MCM6: variants seen among roughly 807,000 people sequenced by gnomAD.
MCM6 encodes the protein DNA replication licensing factor MCM6.
In MCM6, 46 loss-of-function variants were observed where a neutral mutation model predicts 94.3. The ratio of observed to expected loss-of-function variants is 0.49; its 90% CI spans 0.39 to 0.62. The LOEUF (loss-of-function observed/expected upper bound fraction) is 0.62, where lower values mean the gene tolerates loss of function less well. MCM6 is among the 20% of genes least tolerant of loss of function. The pLI, the probability that MCM6 is intolerant of heterozygous loss-of-function variation, is 0.00. For missense variants in MCM6, 865 were observed against 1,017.9 expected, an observed-to-expected ratio of 0.85 and a Z score of 2.04; for synonymous variants, 335 against 351.9, an observed-to-expected ratio of 0.95 and a Z score of 0.54.
intron 8 of MCM6, among the ~76,000 whole-genome samples, chr2:135,861,102 A>C (rs544425816): frequency 2.0e-5 from 3 of 152,324 alleles, no homozygotes; most frequent in Admixed American, 6.5e-5. Context: ...ACTATCTTAA[A>C]ATCTAAAACT....
intron 13 of MCM6, among the ~76,000 whole-genome samples, chr2:135,849,368 G>A (rs1435181627): frequency 6.6e-6 from 1 of 152,132 alleles, no homozygotes; most frequent in Non-Finnish European, 1.5e-5. Flanking sequence ...CCTAATGGAT[G>A]TGTAGCACAA....
intron 9 of MCM6, among the ~76,000 whole-genome samples, 182 bp from the exon 10 acceptor site, chr2:135,858,186 TG>T (rs1317679659): frequency 6.6e-6 from 1 of 152,012 alleles, no homozygotes; most frequent in Non-Finnish European, 1.5e-5. Flanking sequence ...AGTGAGACCC[TG>T]TCTCTTAAAA....
At position 135,852,703 on chromosome 2, in the gene MCM6, A is replaced by G. The variant is rs559940462; in HGVS notation, c.1755+84T>C. 2.8e-5 allele frequency: 28 copies of G among 988,906 alleles called. No individual in the cohort carries two copies. In the South Asian group the frequency reaches 1.0e-3, roughly 37 times the overall value. 61.3% of individuals were successfully genotyped at this position (988,906 alleles called of 1,614,324 possible). ...AGGAACTAAGGTAGATGACAGGTTCAGTTAATTTCCATATAACACACTTAC... is the reference window on the plus strand; with the variant it reads ...AGGAACTAAGGTAGATGACAGGTTCGGTTAATTTCCATATAACACACTTAC... On this transcript the variant is annotated intron_variant, in intron 12 of 16. Coordinates refer to ENST00000264156, the MANE Select transcript of MCM6 (RefSeq NM_005915.6).
At chr2:135,850,918 C>A (rs893578023) in intron 13 of MCM6, among the ~76,000 whole-genome samples, 11 of 152,148 alleles carry the variant, frequency 7.2e-5, no homozygotes, top group African/African-American at 2.7e-4. Context: ...TTGGTTGAAG[C>A]GAAGATGGGA....
chr2:135,865,308 T>A (rs1195278446), intron 6 of MCM6, 145 bp from the exon 7 acceptor site: 2 of 493,204 alleles, frequency 4.1e-6, no homozygotes, highest in Non-Finnish European at 6.6e-6. Context: ...AAAAAACAAC[T>A]CCCCAAACTA....
Position 135,846,388 on chromosome 2 carries a change from A to G in MCM6, c.2058T>C (p.His686=), listed in dbSNP as rs747114278. The part of the protein sequence containing the change: ...VDEGAGGING[H]ADSPAPVNGI... ...CGTTCACAGGAGCAGGGCTGTCAGC[A>G]TGACCTAAGTGAAAAATTGACCACC... The change falls in exon 15 of 17, where the codon CAT becomes CAC. Residue 686 remains histidine, a synonymous_variant. Transcript: ENST00000264156. 1.2e-6 allele frequency: 2 copies of G among 1,614,078 alleles called. No individual in the cohort carries two copies. The highest frequency in any genetic ancestry group is 3.3e-5 in the Admixed American group (2 of 60,014).
At chr2:135,841,239 A>G (rs1396846025) in intron 16 of MCM6, among the ~76,000 whole-genome samples, 2 of 152,242 alleles carry the variant, frequency 1.3e-5, no homozygotes, top group Non-Finnish European at 2.9e-5. Flanking sequence ...CAAAAAAGGA[A>G]GTAATGCTTG....
intron 2 of MCM6, 116 bp downstream of exon 2, chr2:135,872,581 G>A: frequency 9.1e-7 from 1 of 1,101,050 alleles, no homozygotes; most frequent in Admixed American, 2.2e-5. Flanking sequence ...TTCTCAGTGG[G>A]AAATAACTGT....
chr2:135,860,984 C>A (rs1331685122), intron 8 of MCM6, among the ~76,000 whole-genome samples: 1 of 152,058 alleles, frequency 6.6e-6, no homozygotes, highest in African/African-American at 2.4e-5. Flanking sequence ...AAGACTGTCA[C>A]ATACCACATG....
chr2:135,845,351 T>C (rs1472672573), intron 15 of MCM6, among the ~76,000 whole-genome samples: 2 of 152,184 alleles, frequency 1.3e-5, no homozygotes, highest in Non-Finnish European at 2.9e-5. Context: ...TAAAACTTAC[T>C]TGTATGAGGG....
At chr2:135,850,577 C>T (rs2105576453) in intron 13 of MCM6, among the ~76,000 whole-genome samples, 1 of 152,160 alleles carries the variant, frequency 6.6e-6, no homozygotes, top group Non-Finnish European at 1.5e-5. Context: ...AGTAAAGTAC[C>T]ATATCAAAGA....
chr2:135,859,279 G>A (rs1300107734), intron 9 of MCM6, 22 bp downstream of exon 9: 1 of 1,599,770 alleles, frequency 6.3e-7, no homozygotes, highest in South Asian at 1.1e-5. Flanking sequence ...TCTTTATACT[G>A]AAGAGTGTAA....
intron 1 of MCM6, among the ~76,000 whole-genome samples, chr2:135,875,364 CAA>C (rs939379676): frequency 2.2e-5 from 3 of 139,362 alleles, no homozygotes; most frequent in East Asian, 2.0e-4. Flanking sequence ...AATTACGCCT[CAA>C]AAAAAAAAAA....
Position 135,876,424 on chromosome 2 carries a change from TC to T in MCM6, c.-60del. 1 of 1,439,306 alleles carries T rather than the reference TC, an allele frequency of 6.9e-7. No individual in the cohort carries two copies. Among genetic ancestry groups the T allele is most frequent in the Non-Finnish European group, 9.4e-7 (1 of 1,068,642 alleles). The allele number at this position is 1,439,306 out of a possible 1,614,324, so 89.2% of individuals were successfully genotyped here. ...GCTCGACCGCCACAAGTCGCTTTTT[TC>T]CAGACGCTGCAGCTTTGCGCGCGCC... On this transcript the variant is annotated 5_prime_UTR_variant, in exon 1 of 17. Transcript: ENST00000264156.
chr2:135,845,730 G>T (rs1234225596), intron 15 of MCM6, among the ~76,000 whole-genome samples: 1 of 152,176 alleles, frequency 6.6e-6, no homozygotes, highest in Admixed American at 6.5e-5. Context: ...ACTTTGAATA[G>T]CATGGTAAAG....
chr2:135,861,170 A>C (rs1196414261), intron 8 of MCM6, among the ~76,000 whole-genome samples: 2 of 152,208 alleles, frequency 1.3e-5, no homozygotes, highest in Non-Finnish European at 2.9e-5. Context: ...CCAACTAAAA[A>C]TGTTCAATAT....
intron 11 of MCM6, among the ~76,000 whole-genome samples, chr2:135,854,936 A>G (rs910593948): frequency 6.6e-6 from 1 of 151,960 alleles, no homozygotes; most frequent in African/African-American, 2.4e-5. Flanking sequence ...CGGTGGATCA[A>G]CTGAGGTCAG....
At chr2:135,841,322 G>C (rs1397865193) in intron 16 of MCM6, among the ~76,000 whole-genome samples, 1 of 14,216 alleles carries the variant, frequency 7.0e-5, no homozygotes, top group Non-Finnish European at 2.0e-4. Flanking sequence ...ATATCATTCA[G>C]CAATTTTTAA....
chr2:135,851,671 G>A (rs1201759622), intron 12 of MCM6, 108 bp from the exon 13 acceptor site: 2 of 916,584 alleles, frequency 2.2e-6, no homozygotes, highest in Non-Finnish European at 3.0e-6. Context: ...GAACCTGAGA[G>A]GGTTGAAACT....
Sources: allele counts gnomAD v4.1 joint callset (sites outside exome capture counted in the v4.1 genomes callset), GRCh38; gene constraint gnomAD v4.1.1; transcripts MANE v1.5; gene names NCBI Gene and HGNC (gene_info 2026-07-23, HGNC 2026-07-21).